Variants in CADPS2 observed in about 807,000 individuals in gnomAD.
CADPS2 encodes the protein calcium dependent secretion activator 2, also known as calcium-dependent secretion activator 2.
A neutral mutation model predicts 172.5 loss-of-function variants in CADPS2; 93 were observed. The ratio of observed to expected loss-of-function variants is 0.54; its 90% CI spans 0.46 to 0.64. The LOEUF is 0.64. CADPS2 is among the 30% of genes least tolerant of loss of function. CADPS2 has a pLI of 0.00. For synonymous variants in CADPS2, 546 were observed against 555.2 expected (o/e 0.98, Z 0.23); for missense variants, 1,420 against 1,565.9 (o/e 0.91, Z 1.57).
chr7:122,466,163 T>C (rs2055109266), intron 14 of CADPS2, among the ~76,000 whole-genome samples: 1 of 152,312 alleles, frequency 6.6e-6, no homozygotes, highest in Non-Finnish European at 1.5e-5. Context: ...TAATGTGATA[T>C]AGTCTAATAT....
intron 1 of CADPS2, among the ~76,000 whole-genome samples, chr7:122,755,437 T>A (rs1468550665): frequency 6.6e-6 from 1 of 152,178 alleles, no homozygotes; most frequent in East Asian, 1.9e-4. Context: ...TTATCAGCTA[T>A]ATATTATCAA....
At chr7:122,674,131 C>A (rs2082159516) in intron 2 of CADPS2, among the ~76,000 whole-genome samples, 1 of 152,160 alleles carries the variant, frequency 6.6e-6, no homozygotes, top group Non-Finnish European at 1.5e-5. Context: ...AGTGTGGGGC[C>A]CACTGAGCCC....
At chr7:122,380,710 AATG>A (rs1297029263) in intron 24 of CADPS2, among the ~76,000 whole-genome samples, 2 of 152,052 alleles carry the variant, frequency 1.3e-5, no homozygotes, top group African/African-American at 4.8e-5. Flanking sequence ...ATAAGTGCAT[AATG>A]ATGAGTGATC....
chr7:122,758,404 C>A (rs536593669), intron 1 of CADPS2, among the ~76,000 whole-genome samples: 1 of 152,032 alleles, frequency 6.6e-6, no homozygotes, highest in Admixed American at 6.5e-5. Flanking sequence ...ATAAACATCG[C>A]GTATGTATTA....
At chr7:122,826,462 G>A (rs1047630200) in intron 1 of CADPS2, among the ~76,000 whole-genome samples, 4 of 151,940 alleles carry the variant, frequency 2.6e-5, no homozygotes, top group Non-Finnish European at 5.9e-5. Context: ...AATGAAAAGA[G>A]ATAATCAACA....
intron 6 of CADPS2, among the ~76,000 whole-genome samples, chr7:122,609,553 A>T (rs1461256823): frequency 6.6e-6 from 1 of 152,152 alleles, no homozygotes; most frequent in Non-Finnish European, 1.5e-5. Context: ...ACAAAATAAA[A>T]ATTAAAATGA....
At chr7:122,845,434 G>GA (rs1386792441) in intron 1 of CADPS2, among the ~76,000 whole-genome samples, 1 of 152,156 alleles carries the variant, frequency 6.6e-6, no homozygotes, top group East Asian at 1.9e-4. Flanking sequence ...ATGCTCTCAG[G>GA]AAGAAATCTT....
chr7:122,803,974 G>GAAAAAAAAAA lies in CADPS2; in HGVS notation c.340-66916_340-66907dup, dbSNP rs869246600. On this transcript the variant is annotated intron_variant, in intron 1 of 29. Coordinates refer to ENST00000449022, the MANE Select transcript of CADPS2 (RefSeq NM_017954.11). ...GTCTTTTTAAAACCAGGCTTGAATG[G>GAAAAAAAAAA]AAAAAAAAAAAAAAAAAAAAAAAAC... Among the ~76,000 whole-genome samples, 86 of 85,116 alleles carry GAAAAAAAAAA rather than the reference G, an allele frequency of 1.0e-3. 1 individual carries two copies. The highest frequency in any genetic ancestry group is 3.4e-3 in the African/African-American group (79 of 23,186). The allele number at this position is 85,116 out of a possible 152,430, so 55.8% of individuals were successfully genotyped here.
intron 2 of CADPS2, among the ~76,000 whole-genome samples, chr7:122,685,332 T>C (rs534077666): frequency 6.6e-6 from 1 of 152,358 alleles, no homozygotes; most frequent in African/African-American, 2.4e-5. Flanking sequence ...CCTGTAGCTG[T>C]CATTTTCTTA....
rs1325814684 is a variant in CADPS2 at position 122,566,188 on chromosome 7, T to C, written c.1336-11499A>G. ...TCGCTAATCATCAGGGAAACGCAAATAAAACCACCTCACACCTGAATGGCT... is the reference window on the plus strand; with the variant it reads ...TCGCTAATCATCAGGGAAACGCAAACAAAACCACCTCACACCTGAATGGCT... On this transcript the variant is annotated intron_variant, in intron 7 of 29. Coordinates refer to ENST00000449022, the MANE Select transcript of CADPS2 (RefSeq NM_017954.11). 2.0e-5 allele frequency among the ~76,000 whole-genome samples: 3 copies of C among 151,898 alleles called. No homozygotes were observed. The East Asian group carries it at 5.8e-4, about 29-fold the overall frequency.
chr7:122,323,506 T>C (rs1470780704), intron 29 of CADPS2, among the ~76,000 whole-genome samples: 1 of 152,108 alleles, frequency 6.6e-6, no homozygotes, highest in Admixed American at 6.6e-5. Context: ...TATACATTAA[T>C]AAGTCACACT....
chr7:122,386,650 C>T (rs1019329076), intron 24 of CADPS2, among the ~76,000 whole-genome samples: 24 of 152,052 alleles, frequency 1.6e-4, no homozygotes, highest in African/African-American at 5.6e-4. Flanking sequence ...CTATTTCACA[C>T]TTTTTCGTGT....
intron 9 of CADPS2, among the ~76,000 whole-genome samples, chr7:122,508,946 T>C (rs2059822789): frequency 6.6e-6 from 1 of 152,144 alleles, no homozygotes; most frequent in Admixed American, 6.6e-5. Flanking sequence ...ACACTGAGTA[T>C]GTTCTGGGTT....
chr7:122,758,402 C>T (rs1475108443), intron 1 of CADPS2, among the ~76,000 whole-genome samples: 1 of 152,046 alleles, frequency 6.6e-6, no homozygotes. Context: ...TTATAAACAT[C>T]GCGTATGTAT....
chr7:122,634,491 T>C (rs1299997592), intron 3 of CADPS2, among the ~76,000 whole-genome samples: 1 of 152,186 alleles, frequency 6.6e-6, no homozygotes, highest in Non-Finnish European at 1.5e-5. Context: ...GAGGATCTTT[T>C]TTTATATTTC....
chr7:122,426,764 G>C (rs1213727002), intron 17 of CADPS2, among the ~76,000 whole-genome samples: 1 of 152,190 alleles, frequency 6.6e-6, no homozygotes. Context: ...GTAAGTAAAT[G>C]AGAGGTCACC....
intron 2 of CADPS2, among the ~76,000 whole-genome samples, chr7:122,701,126 A>G (rs1445182900): frequency 1.3e-5 from 2 of 152,176 alleles, no homozygotes; most frequent in African/African-American, 2.4e-5. Flanking sequence ...CTCTATGGCA[A>G]TGTCACAATC....
Position 122,872,972 on chromosome 7 carries a change from A to G in CADPS2, c.339+13027T>C, listed in dbSNP as rs146647373. Among the ~76,000 whole-genome samples, 742 of 152,196 alleles carry G rather than the reference A, an allele frequency of 4.9e-3. 1 individual carries two copies. Among genetic ancestry groups the G allele is most frequent in the Non-Finnish European group, 8.1e-3 (552 of 67,990 alleles). ...TTGAATCAGAATAGTAAGCACAAACATAAGGAAGGCGAAGGAAGAGTTATA... is the reference window on the plus strand; with the variant it reads ...TTGAATCAGAATAGTAAGCACAAACGTAAGGAAGGCGAAGGAAGAGTTATA... On this transcript the variant is annotated intron_variant, in intron 1 of 29. Coordinates refer to ENST00000449022, the MANE Select transcript of CADPS2 (RefSeq NM_017954.11).
chr7:122,886,175 T>C lies in CADPS2; in HGVS notation c.163A>G (p.Arg55Gly), dbSNP rs1383064083. Residue 55 changes from arginine (R) to glycine (G), a missense_variant, in exon 1 of 30, where the codon AGA becomes GGA. Physicochemically the swap from Arg to Gly is moderately radical, Grantham distance 125. Coordinates refer to ENST00000449022, the MANE Select transcript of CADPS2 (RefSeq NM_017954.11). ...PGRAGGGGAA[R>G]SVSPSPSVLS... is the part of the protein sequence containing the mutation. ...ACAGAGGGGCTCGGGCTCACAGATC[T>C]GGCCGCGCCGCCGCCGCCCGCGCGC... The C allele has an allele frequency of 2.0e-6, 3 of 1,484,920 alleles. No homozygotes were observed. Among genetic ancestry groups the C allele is most frequent in the Admixed American group, 2.8e-5 (1 of 36,154 alleles). 92.0% of individuals were successfully genotyped at this position (1,484,920 alleles called of 1,614,324 possible).
Sources: allele counts gnomAD v4.1 joint callset (sites outside exome capture counted in the v4.1 genomes callset), GRCh38; gene constraint gnomAD v4.1.1; transcripts MANE v1.5; gene names NCBI Gene and HGNC (gene_info 2026-07-23, HGNC 2026-07-21).